LRCH3: variants seen among roughly 807,000 people sequenced by gnomAD.
LRCH3 encodes the protein leucine rich repeats and calponin homology domain containing 3.
LRCH3 carries 68 observed loss-of-function variants against 104.5 expected under a neutral mutation model. That is an observed-to-expected ratio of 0.65 (90% CI 0.54 to 0.80). The LOEUF (loss-of-function observed/expected upper bound fraction) is 0.80. Ranked by LOEUF, LRCH3 falls within the 30% of genes least tolerant of loss-of-function variation. The pLI is 0.00. For synonymous variants in LRCH3, 344 were observed against 361.3 expected (o/e 0.95, Z 0.54); for missense variants, 951 against 953.9 (o/e 1.00, Z 0.04).
intron 15 of LRCH3, among the ~76,000 whole-genome samples, chr3:197,859,674 A>G (rs1580840867): frequency 6.6e-6 from 1 of 152,118 alleles, no homozygotes; most frequent in Non-Finnish European, 1.5e-5. Context: ...TGTCAAGAAG[A>G]CCTTTGTCTA....
At chr3:197,882,961 G>A (rs1487255729) in intron 20 of LRCH3, 16 of 985,198 alleles carry the variant, frequency 1.6e-5, no homozygotes, top group Non-Finnish European at 1.9e-5. Context: ...TTCAAATTAG[G>A]GGGAAGTTTC....
Position 197,855,406 on chromosome 3 carries a change from G to A in LRCH3, c.1644+961G>A, listed in dbSNP as rs538121591. Among the ~76,000 whole-genome samples, 6 of 152,288 alleles carry A rather than the reference G, an allele frequency of 3.9e-5. No homozygotes were observed. In the South Asian group the frequency reaches 8.3e-4, roughly 21 times the overall value. On this transcript the variant is annotated intron_variant, in intron 14 of 20. Transcript: ENST00000425562. The stretch of plus-strand genomic sequence containing the variant: ...ATGTAGACAAATATTGAGAGCCTCC[G>A]ACGATCCAAACACTTACCAAAATTA...
chr3:197,869,087 A>G (rs1352230238), intron 17 of LRCH3, among the ~76,000 whole-genome samples: 2 of 152,258 alleles, frequency 1.3e-5, no homozygotes, highest in Non-Finnish European at 2.9e-5. Context: ...GAAAATCTCC[A>G]TAATAAAAAC....
At chr3:197,814,632 G>A (rs1733603305) in intron 1 of LRCH3, among the ~76,000 whole-genome samples, 1 of 152,138 alleles carries the variant, frequency 6.6e-6, no homozygotes, top group Non-Finnish European at 1.5e-5. Flanking sequence ...ATCATCTTTG[G>A]TGAATAAAGG....
chr3:197,793,834 C>T (rs1730897260), intron 1 of LRCH3, among the ~76,000 whole-genome samples: 1 of 152,096 alleles, frequency 6.6e-6, no homozygotes, highest in Non-Finnish European at 1.5e-5. Flanking sequence ...AGATTCATTT[C>T]TAACATGTAG....
At chr3:197,861,160 C>A (rs758659421) in intron 15 of LRCH3, among the ~76,000 whole-genome samples, 3 of 152,018 alleles carry the variant, frequency 2.0e-5, no homozygotes, top group Non-Finnish European at 4.4e-5. Flanking sequence ...TTTATAACAA[C>A]TGTAAATCTG....
chr3:197,854,282 TC>T lies in LRCH3; in HGVS notation c.1591-109del. ...AATGTGGTCCTCTATGTCAACGTCT[TC>T]AAAAGTATGTCTTAATATGTCTCTT... On this transcript the variant is annotated intron_variant, in intron 13 of 20. Transcript: ENST00000425562. The surrounding 1 kb of genome is among the most constrained non-coding windows in gnomAD (Gnocchi z 4.5). 1.1e-6 allele frequency: 1 copy of T among 952,104 alleles called. No homozygotes were observed. Among genetic ancestry groups the T allele is most frequent in the Non-Finnish European group, 1.7e-6 (1 of 579,764 alleles). The allele number at this position is 952,104 out of a possible 1,614,324, so 59.0% of individuals were successfully genotyped here.
chr3:197,870,749 G>A (rs532227909), intron 18 of LRCH3, among the ~76,000 whole-genome samples: 1 of 149,846 alleles, frequency 6.7e-6, no homozygotes, highest in African/African-American at 2.5e-5. Context: ...GTGCTGGGAT[G>A]GCAGGCGTGA....
chr3:197,820,147 T>C (rs550629375), intron 3 of LRCH3, among the ~76,000 whole-genome samples, 178 bp from the exon 4 acceptor site: 2 of 152,396 alleles, frequency 1.3e-5, no homozygotes, highest in South Asian at 2.1e-4. Flanking sequence ...CTCAGAATTA[T>C]GGTATTCTGA....
chr3:197,868,284 TAAC>T (rs1711585397), intron 17 of LRCH3, among the ~76,000 whole-genome samples: 1 of 152,170 alleles, frequency 6.6e-6, no homozygotes, highest in Non-Finnish European at 1.5e-5. Flanking sequence ...TACAGTATAG[TAAC>T]AATTTATATA....
chr3:197,798,391 CTCTTGAATGAAATACA>C (rs1731507720), intron 1 of LRCH3, among the ~76,000 whole-genome samples: 1 of 152,186 alleles, frequency 6.6e-6, no homozygotes, highest in South Asian at 2.1e-4. Flanking sequence ...TTGAAGAAAA[CTCTTGAATGAAATACA>C]GAAAATGAGA....
At chr3:197,816,200 A>T (rs1019333771) in intron 2 of LRCH3, among the ~76,000 whole-genome samples, 3 of 152,032 alleles carry the variant, frequency 2.0e-5, no homozygotes, top group Non-Finnish European at 4.4e-5. Context: ...ATGGGGAGGG[A>T]ATTGGTCCTA....
At position 197,831,060 on chromosome 3, in the gene LRCH3, C is replaced by T. The variant is rs183565576; in HGVS notation, c.981+197C>T. 2.6e-3 allele frequency: 1,259 copies of T among 477,366 alleles called. 20 individuals are homozygous for T. Among genetic ancestry groups the T allele is most frequent in the Non-Finnish European group, 1.0e-3 (263 of 263,016 alleles). The allele number at this position is 477,366 out of a possible 1,614,324, so 29.6% of individuals were successfully genotyped here. A position where few individuals can be genotyped will look rare whatever the true frequency, so the allele number is the denominator to read the frequency against. Reference sequence around the variant, plus strand: ...ACCGGCTTTCTGTCACGTGGATTTCCGCCTGTTTCCTCATTGCCTCATGGA... The same window carrying T: ...ACCGGCTTTCTGTCACGTGGATTTCTGCCTGTTTCCTCATTGCCTCATGGA... On this transcript the variant is annotated intron_variant, in intron 7 of 20. Coordinates refer to ENST00000425562, the MANE Select transcript of LRCH3 (RefSeq NM_001365715.1).
rs571480600 is a variant in LRCH3, at chr3:197,830,183, A to G, written c.887+510A>G. On this transcript the variant is annotated intron_variant, in intron 6 of 20. Coordinates refer to ENST00000425562, the MANE Select transcript of LRCH3 (RefSeq NM_001365715.1). ...ACATCACTTCAGGATCTTTTAATCT[A>G]TGAGTCCCTCAGCTACACAGCCTGT... 4.6e-5 allele frequency among the ~76,000 whole-genome samples: 7 copies of G among 152,326 alleles called. No individual in the cohort carries two copies. The East Asian group carries it at 5.8e-4, about 13-fold the overall frequency.
At chr3:197,835,056 A>G (rs912800712) in intron 8 of LRCH3, among the ~76,000 whole-genome samples, 4 of 152,302 alleles carry the variant, frequency 2.6e-5, no homozygotes, top group African/African-American at 7.2e-5. Context: ...AGGCAGGAGA[A>G]TCGCTTGAAC....
At chr3:197,880,926 C>G in intron 20 of LRCH3, 1 of 1,411,810 alleles carries the variant, frequency 7.1e-7, no homozygotes, top group Non-Finnish European at 9.2e-7. Flanking sequence ...AGTAAAAGAC[C>G]AGCATTTTTT....
chr3:197,883,390 T>C lies in LRCH3; in HGVS notation c.2209-151T>C. On this transcript the variant is annotated intron_variant, in intron 20 of 20. Transcript: ENST00000425562. This position sits in a 1 kb window ranked among gnomAD's most constrained non-coding sequence, Gnocchi z 4.2. ...TGTCAGACACCATCTCTCTAACTCA[T>C]ATTTACACTGAGGTCAGTTTCCCAG... 1 of 1,402,042 alleles carries C rather than the reference T, an allele frequency of 7.1e-7. No individual in the cohort carries two copies. 86.9% of individuals were successfully genotyped at this position (1,402,042 alleles called of 1,614,324 possible).
intron 10 of LRCH3, among the ~76,000 whole-genome samples, chr3:197,845,981 T>C (rs1166841083): frequency 6.6e-6 from 1 of 152,234 alleles, no homozygotes; most frequent in Non-Finnish European, 1.5e-5. Flanking sequence ...ACACTTGAGT[T>C]GGTTTATTTG....
intron 20 of LRCH3, among the ~76,000 whole-genome samples, chr3:197,880,214 G>A (rs998613008): frequency 1.5e-4 from 23 of 152,176 alleles, no homozygotes; most frequent in African/African-American, 4.8e-4. Context: ...CAAAGTGCTG[G>A]GATTACAGGT....
Sources: gnomAD v4.1 joint callset for allele counts (sites outside exome capture counted in the v4.1 genomes callset) on GRCh38, gnomAD v4.1.1 for gene constraint, Gnocchi (gnomAD v3.1) non-coding constraint, MANE v1.5 for transcripts, NCBI Gene and HGNC (gene_info 2026-07-23, HGNC 2026-07-21) for gene names.